MACROD2: variants seen among roughly 807,000 people sequenced by gnomAD.
MACROD2 encodes the protein ADP-ribose glycohydrolase MACROD2.
MACROD2 carries 36 observed loss-of-function variants against 70.4 expected under a neutral mutation model. The observed-to-expected ratio is 0.51, with a 90% CI of 0.39 to 0.68. MACROD2 has a LOEUF of 0.68. Among genes scored for constraint, MACROD2 ranks in the 30% least tolerant of loss-of-function variants. The pLI is 0.00. For synonymous variants in MACROD2, 172 were observed against 178.8 expected (o/e 0.96, Z 0.30); for missense variants, 496 against 538.4 (o/e 0.92, Z 0.78).
intron 3 of MACROD2, among the ~76,000 whole-genome samples, chr20:14,419,215 C>T (rs531358895): frequency 4.5e-4 from 68 of 152,102 alleles, no homozygotes; most frequent in African/African-American, 1.3e-3. Context: ...CCACCATGCC[C>T]GGCTAATTTT....
intron 5 of MACROD2, among the ~76,000 whole-genome samples, chr20:14,741,503 A>G (rs2071731605): frequency 6.6e-6 from 1 of 152,164 alleles, no homozygotes; most frequent in East Asian, 1.9e-4. Context: ...AAATATGAGA[A>G]TAGGTATATT....
At position 15,659,304 on chromosome 20, in the gene MACROD2, CTTTTTTTTTTTTTTTT is replaced by C. The variant is rs11468344; in HGVS notation, c.645+159471_645+159486del. Among the ~76,000 whole-genome samples the C allele has an allele frequency of 7.3e-3, 492 of 67,320 alleles. 10 individuals are homozygous for C. The Middle Eastern group carries it at 0.092, about 13-fold the overall frequency. The allele number at this position is 67,320 out of a possible 152,430, so 44.2% of individuals were successfully genotyped here. On this transcript the variant is annotated intron_variant, in intron 8 of 17. Coordinates refer to ENST00000684519, the MANE Select transcript of MACROD2 (RefSeq NM_001351661.2). ...ATCAAAAGCTTGCAAGATAGCACAG[CTTTTTTTTTTTTTTTT>C]TTTTTTTTTTTTTGTCTCTTGATAG...
At chr20:14,885,684 TG>T (rs1000414680) in intron 5 of MACROD2, among the ~76,000 whole-genome samples, 7 of 152,178 alleles carry the variant, frequency 4.6e-5, no homozygotes, top group Non-Finnish European at 8.8e-5. Context: ...ATTGAACCTT[TG>T]GCCCTTAGCC....
At chr20:15,766,856 G>A (rs531559374) in intron 8 of MACROD2, among the ~76,000 whole-genome samples, 1 of 152,254 alleles carries the variant, frequency 6.6e-6, no homozygotes, top group Admixed American at 6.5e-5. Flanking sequence ...CTCTCCATGC[G>A]GGGTCTCTAT....
chr20:15,030,983 G>A (rs753016612), intron 5 of MACROD2, among the ~76,000 whole-genome samples: 1 of 152,164 alleles, frequency 6.6e-6, no homozygotes, highest in African/African-American at 2.4e-5. Flanking sequence ...CTTGGCTCGC[G>A]CTACCAGCCC....
intron 3 of MACROD2, among the ~76,000 whole-genome samples, chr20:14,114,673 G>A (rs1270069145): frequency 6.6e-6 from 1 of 152,132 alleles, no homozygotes; most frequent in Non-Finnish European, 1.5e-5. Context: ...CACAAGATCA[G>A]TAAGACCTAT....
intron 5 of MACROD2, among the ~76,000 whole-genome samples, chr20:15,092,132 C>T (rs576996632): frequency 1.2e-4 from 18 of 151,796 alleles, no homozygotes; most frequent in Non-Finnish European, 2.4e-4. Context: ...ATGTAATTTT[C>T]TTCACCAATG....
At chr20:15,736,121 T>A (rs1162846217) in intron 8 of MACROD2, among the ~76,000 whole-genome samples, 1 of 152,244 alleles carries the variant, frequency 6.6e-6, no homozygotes, top group Non-Finnish European at 1.5e-5. Context: ...TACCTACATG[T>A]ACAGCTATTG....
intron 3 of MACROD2, among the ~76,000 whole-genome samples, chr20:14,258,936 G>C (rs2082079521): frequency 6.6e-6 from 1 of 152,026 alleles, no homozygotes. Context: ...TTTAAAATTA[G>C]TTAATTTATT....
chr20:15,719,687 C>T (rs1318497677), intron 8 of MACROD2, among the ~76,000 whole-genome samples: 1 of 151,702 alleles, frequency 6.6e-6, no homozygotes, highest in African/African-American at 2.4e-5. Flanking sequence ...AATAATTGTA[C>T]ATATTTACGG....
At chr20:14,489,650 G>GA (rs1568636326) in intron 3 of MACROD2, among the ~76,000 whole-genome samples, 1 of 152,114 alleles carries the variant, frequency 6.6e-6, no homozygotes, top group South Asian at 2.1e-4. Context: ...CTGTTAGGAT[G>GA]AAAACAAGTA....
intron 3 of MACROD2, among the ~76,000 whole-genome samples, chr20:14,227,579 G>C (rs200100702): frequency 6.6e-6 from 1 of 152,132 alleles, no homozygotes; most frequent in Non-Finnish European, 1.5e-5. Flanking sequence ...AACTCCGAAC[G>C]CATCTGAACA....
At chr20:14,734,995 G>A (rs2071645099) in intron 5 of MACROD2, among the ~76,000 whole-genome samples, 1 of 152,016 alleles carries the variant, frequency 6.6e-6, no homozygotes, top group South Asian at 2.1e-4. Flanking sequence ...ACTCATGATA[G>A]ATTAATGATA....
intron 5 of MACROD2, among the ~76,000 whole-genome samples, chr20:14,730,457 G>A (rs184343406): frequency 6.6e-6 from 1 of 152,154 alleles, no homozygotes. Context: ...TGGCGTTAGC[G>A]AAAGATGGAA....
chr20:14,410,766 A>T (rs1028347706), intron 3 of MACROD2, among the ~76,000 whole-genome samples: 1 of 152,076 alleles, frequency 6.6e-6, no homozygotes, highest in African/African-American at 2.4e-5. Context: ...TTAATAATAA[A>T]CACTTTATTA....
intron 3 of MACROD2, among the ~76,000 whole-genome samples, chr20:14,119,953 A>G (rs189797233): frequency 1.9e-4 from 29 of 152,264 alleles, no homozygotes; most frequent in Admixed American, 5.2e-4. Flanking sequence ...TCACGCCTGT[A>G]ATCCCAGCAA....
At chr20:15,837,169 C>A (rs2147125203) in intron 8 of MACROD2, among the ~76,000 whole-genome samples, 1 of 152,156 alleles carries the variant, frequency 6.6e-6, no homozygotes, top group Admixed American at 6.5e-5. Flanking sequence ...TAAAGGAAGC[C>A]CCCTTTTTAA....
At chr20:14,443,054 G>A (rs986982956) in intron 3 of MACROD2, among the ~76,000 whole-genome samples, 2 of 151,380 alleles carry the variant, frequency 1.3e-5, no homozygotes, top group Admixed American at 6.6e-5. Context: ...ACTCCAGCCT[G>A]GGCAACAGAG....
At chr20:14,499,709 T>TG (rs1292405515) in intron 4 of MACROD2, among the ~76,000 whole-genome samples, 2 of 152,016 alleles carry the variant, frequency 1.3e-5, no homozygotes, top group African/African-American at 4.8e-5. Context: ...AACCTACCTT[T>TG]GCCCTCCCTC....
Sources: gnomAD v4.1 joint callset for allele counts (sites outside exome capture counted in the v4.1 genomes callset) on GRCh38, gnomAD v4.1.1 for gene constraint, MANE v1.5 for transcripts, NCBI Gene and HGNC (gene_info 2026-07-23, HGNC 2026-07-21) for gene names.